The following REEP3 variants were observed in gnomAD, a reference collection of about 807,000 sequenced individuals.
The protein encoded by REEP3 is receptor accessory protein 3.
REEP3 carries 20 observed loss-of-function variants against 41.3 expected under a neutral mutation model. The ratio of observed to expected loss-of-function variants is 0.48; its 90% confidence interval spans 0.34 to 0.70. The LOEUF (loss-of-function observed/expected upper bound fraction) is 0.70. Among genes scored for constraint, REEP3 ranks in the 30% least tolerant of loss-of-function variants. REEP3 has a pLI of 0.01. For missense variants in REEP3, 271 were observed against 308.8 expected (o/e 0.88, Z 0.92); for synonymous variants, 104 against 101.8 (o/e 1.02, Z -0.13).
At chr10:63,603,478 C>T (rs183633652) in intron 5 of REEP3, among the ~76,000 whole-genome samples, 1 of 152,078 alleles carries the variant, frequency 6.6e-6, no homozygotes, top group Admixed American at 6.6e-5. Flanking sequence ...TTAATTTATA[C>T]GTTTAACACC....
chr10:63,596,316 C>T (rs1485640256), intron 3 of REEP3, among the ~76,000 whole-genome samples: 4 of 143,822 alleles, frequency 2.8e-5, no homozygotes, highest in Admixed American at 2.7e-4. Context: ...AGCACAGATC[C>T]CCAACCGTGC....
intron 1 of REEP3, among the ~76,000 whole-genome samples, chr10:63,563,627 T>C (rs1955765908): frequency 6.6e-6 from 1 of 152,208 alleles, no homozygotes; most frequent in Admixed American, 6.5e-5. Flanking sequence ...AAAGGGATGA[T>C]TTGTTATTTG....
At chr10:63,609,487 T>A (rs1027976269) in intron 5 of REEP3, among the ~76,000 whole-genome samples, 2 of 149,096 alleles carry the variant, frequency 1.3e-5, no homozygotes, top group African/African-American at 4.9e-5. Flanking sequence ...TGGCCGGGCT[T>A]AGTGGCTCAC....
At chr10:63,609,296 C>T (rs1311634404) in intron 5 of REEP3, among the ~76,000 whole-genome samples, 1 of 151,466 alleles carries the variant, frequency 6.6e-6, no homozygotes, top group Non-Finnish European at 1.5e-5. Context: ...ACTAAAAATA[C>T]AAAAAATTAG....
intron 1 of REEP3, among the ~76,000 whole-genome samples, chr10:63,529,096 T>C (rs1375170803): frequency 6.6e-6 from 1 of 152,226 alleles, no homozygotes; most frequent in East Asian, 1.9e-4. Flanking sequence ...ATAGTAAATA[T>C]TATGCCTCAT....
At chr10:63,586,013 T>C (rs909515719) in intron 2 of REEP3, among the ~76,000 whole-genome samples, 2 of 152,236 alleles carry the variant, frequency 1.3e-5, no homozygotes, top group Non-Finnish European at 2.9e-5. Flanking sequence ...CATAGAATCT[T>C]GTTTTATTGA....
Position 63,594,855 on chromosome 10 carries a change from G to A in REEP3, c.182+1G>A. ...CAGTAGCCGATCAAACAGTTGCTTGGTAAGTTTTACTATTGAGAAGGGGCC... is the reference window on the plus strand; with the variant it reads ...CAGTAGCCGATCAAACAGTTGCTTGATAAGTTTTACTATTGAGAAGGGGCC... On this transcript the variant is annotated splice_donor_variant, in intron 3 of 7. Transcript: ENST00000373758. LOFTEE classifies it high-confidence loss of function. 1.9e-6 allele frequency: 3 copies of A among 1,604,646 alleles called. No homozygotes were observed. The highest frequency in any genetic ancestry group is 2.6e-6 in the Non-Finnish European group (3 of 1,171,612).
At chr10:63,547,476 G>A (rs1345529239) in intron 1 of REEP3, among the ~76,000 whole-genome samples, 1 of 152,152 alleles carries the variant, frequency 6.6e-6, no homozygotes, top group African/African-American at 2.4e-5. Flanking sequence ...GGGGTGGGGT[G>A]CATGCAAGTA....
At chr10:63,561,379 A>G (rs1439801239) in intron 1 of REEP3, among the ~76,000 whole-genome samples, 1 of 152,198 alleles carries the variant, frequency 6.6e-6, no homozygotes. Flanking sequence ...TAAGGAAGAA[A>G]ATAAAGACCG....
At chr10:63,598,848 T>C (rs968962042) in intron 4 of REEP3, among the ~76,000 whole-genome samples, 4 of 151,584 alleles carry the variant, frequency 2.6e-5, no homozygotes, top group African/African-American at 9.7e-5. Context: ...TCCCAACACT[T>C]TGGGAAGCCA....
chr10:63,556,648 T>TGG (rs1955688402), intron 1 of REEP3, among the ~76,000 whole-genome samples: 1 of 123,836 alleles, frequency 8.1e-6, no homozygotes, highest in East Asian at 2.3e-4. Flanking sequence ...TTTTTTTTTT[T>TGG]TTTTTGAGAC....
At chr10:63,620,088 G>A (rs1023795885) in intron 7 of REEP3, among the ~76,000 whole-genome samples, 3 of 151,554 alleles carry the variant, frequency 2.0e-5, no homozygotes, top group African/African-American at 4.9e-5. Context: ...ACATGCCACC[G>A]CACCTGGCTA....
rs948581435 is a variant in REEP3 at position 63,621,223 on chromosome 10, G to T, written c.*354G>T. 1.8e-5 allele frequency: 3 copies of T among 169,384 alleles called. No homozygotes were observed. Among genetic ancestry groups the T allele is most frequent in the African/African-American group, 4.8e-5 (2 of 41,872 alleles). 10.5% of individuals were successfully genotyped at this position (169,384 alleles called of 1,614,324 possible). On this transcript the variant is annotated 3_prime_UTR_variant, in exon 8 of 8. Coordinates refer to ENST00000373758, the MANE Select transcript of REEP3 (RefSeq NM_001001330.3). ...TACGGTTCAGGATAAATCAGCCTTT[G>T]TGATGTACTGTGTTTACCTCCTTTT...
At chr10:63,620,193 G>C (rs1314884056) in intron 7 of REEP3, among the ~76,000 whole-genome samples, 1 of 151,870 alleles carries the variant, frequency 6.6e-6, no homozygotes, top group Non-Finnish European at 1.5e-5. Context: ...TCCGCCTCTC[G>C]AAGTGCTGGG....
chr10:63,607,235 G>T (rs925618745), intron 5 of REEP3, among the ~76,000 whole-genome samples: 10 of 152,146 alleles, frequency 6.6e-5, no homozygotes, highest in Admixed American at 2.0e-4. Flanking sequence ...AATTTTCCAA[G>T]GTAATAATGG....
At chr10:63,617,539 A>T (rs1956320515) in intron 6 of REEP3, among the ~76,000 whole-genome samples, 1 of 152,246 alleles carries the variant, frequency 6.6e-6, no homozygotes, top group Middle Eastern at 3.4e-3. Flanking sequence ...AGCTGGGACT[A>T]CAGGTGCACA....
chr10:63,585,853 T>C (rs1302693022), intron 2 of REEP3, among the ~76,000 whole-genome samples: 1 of 152,188 alleles, frequency 6.6e-6, no homozygotes, highest in Non-Finnish European at 1.5e-5. Context: ...CCATATTTCC[T>C]TGTATACTTG....
chr10:63,569,232 TAAATG>T (rs763977047), intron 2 of REEP3, among the ~76,000 whole-genome samples: 25 of 152,236 alleles, frequency 1.6e-4, no homozygotes, highest in Non-Finnish European at 3.2e-4. Context: ...CAGTGCTTAA[TAAATG>T]GGAACCATTT....
intron 2 of REEP3, among the ~76,000 whole-genome samples, chr10:63,580,352 G>T (rs1198602421): frequency 1.3e-5 from 2 of 152,028 alleles, no homozygotes; most frequent in African/African-American, 4.8e-5. Flanking sequence ...GCCTAGGCTG[G>T]TCTCAAACTC....
Sources: allele counts gnomAD v4.1 joint callset (sites outside exome capture counted in the v4.1 genomes callset), GRCh38; gene constraint gnomAD v4.1.1; transcripts MANE v1.5; gene names NCBI Gene and HGNC (gene_info 2026-07-23, HGNC 2026-07-21).